The following MCF2L variants were observed in gnomAD, a reference collection of about 807,000 sequenced individuals.
MCF2L encodes MCF.2 cell line derived transforming sequence like, also known as guanine nucleotide exchange factor DBS.
In MCF2L, 97 loss-of-function variants were observed where a neutral mutation model predicts 153.4. The ratio of observed to expected loss-of-function variants is 0.63; its 90% CI spans 0.54 to 0.75. MCF2L has a LOEUF of 0.75. Among genes scored for constraint, MCF2L ranks in the 30% least tolerant of loss-of-function variants. The pLI is 0.00. For missense variants in MCF2L, 1,347 were observed against 1,495.2 expected (o/e 0.90, Z 1.64); for synonymous variants, 659 against 632.2 (o/e 1.04, Z -0.64).
chr13:113,003,380 C>T (rs1363413079), intron 1 of MCF2L, among the ~76,000 whole-genome samples: 2 of 149,572 alleles, frequency 1.3e-5, no homozygotes, highest in African/African-American at 4.9e-5. Context: ...GGCAGGTGAC[C>T]CCCTGGGTTA....
At chr13:112,936,392 A>G (rs942597493) in intron 2 of MCF2L, among the ~76,000 whole-genome samples, 2 of 151,892 alleles carry the variant, frequency 1.3e-5, no homozygotes, top group African/African-American at 4.8e-5. Context: ...CACCCAATCT[A>G]TGGTGCTTTG....
intron 1 of MCF2L, among the ~76,000 whole-genome samples, chr13:112,984,484 C>T (rs1028483506): frequency 6.6e-6 from 1 of 152,206 alleles, no homozygotes; most frequent in East Asian, 1.9e-4. Context: ...GTGATCCGCC[C>T]GCCTCAGCCT....
intron 1 of MCF2L, among the ~76,000 whole-genome samples, chr13:113,004,971 C>T (rs1482023338): frequency 6.6e-6 from 1 of 152,198 alleles, no homozygotes; most frequent in African/African-American, 2.4e-5. Context: ...GAAAAGAGCA[C>T]TGTCGTTGGA....
In MCF2L at chr13:113,082,677, A is replaced by G. The variant is rs923089407; in HGVS notation, c.1991+135A>G. The stretch of plus-strand genomic sequence containing the variant: ...AGGGGCGCCCAAGGGGTGGACTCAC[A>G]GAGGCACAGGCTTGAGTGTGGGTAC... On this transcript the variant is annotated intron_variant, in intron 17 of 29. Coordinates refer to ENST00000535094, the MANE Select transcript of MCF2L (RefSeq NM_001112732.3). 1.7e-5 allele frequency: 11 copies of G among 655,818 alleles called. No individual in the cohort carries two copies. The Admixed American group carries it at 2.0e-4, about 12-fold the overall frequency. 40.6% of individuals were successfully genotyped at this position (655,818 alleles called of 1,614,324 possible).
At chr13:112,975,583 A>G (rs1425029898) in intron 1 of MCF2L, among the ~76,000 whole-genome samples, 1 of 152,198 alleles carries the variant, frequency 6.6e-6, no homozygotes, top group Non-Finnish European at 1.5e-5. Flanking sequence ...ACTTGTGCAC[A>G]TGGTCAGTGC....
intron 4 of MCF2L, among the ~76,000 whole-genome samples, chr13:113,057,880 G>GCA (rs2030475417): frequency 7.1e-6 from 1 of 141,642 alleles, no homozygotes; most frequent in Non-Finnish European, 1.5e-5. Flanking sequence ...GTGTTTGGAT[G>GCA]CTGAGTGTTT....
intron 2 of MCF2L, among the ~76,000 whole-genome samples, chr13:112,916,130 C>T (rs1021165909): frequency 1.3e-5 from 2 of 148,242 alleles, no homozygotes; most frequent in African/African-American, 5.2e-5. Flanking sequence ...ATGGCGTGAA[C>T]CTGGGAGGCG....
At chr13:112,987,455 C>T (rs1421389070) in intron 1 of MCF2L, among the ~76,000 whole-genome samples, 1 of 152,226 alleles carries the variant, frequency 6.6e-6, no homozygotes, top group Non-Finnish European at 1.5e-5. Flanking sequence ...AAAACCAAGT[C>T]GGAGAGGCCC....
intron 2 of MCF2L, chr13:112,917,022 G>A (rs775552657): frequency 6.4e-6 from 3 of 467,156 alleles, no homozygotes; most frequent in South Asian, 3.1e-5. Context: ...CTCCCTCATC[G>A]CCAAGTCTGA....
At chr13:112,914,038 T>C (rs1339023793) in intron 2 of MCF2L, among the ~76,000 whole-genome samples, 1 of 152,198 alleles carries the variant, frequency 6.6e-6, no homozygotes, top group Non-Finnish European at 1.5e-5. Flanking sequence ...CTTCTCCCCC[T>C]GTGAGCCAGC....
chr13:113,086,682 C>G (rs2034666405), intron 21 of MCF2L, among the ~76,000 whole-genome samples: 1 of 152,166 alleles, frequency 6.6e-6, no homozygotes, highest in African/African-American at 2.4e-5. Context: ...AGCCCCACAT[C>G]AGGTCACAGC....
intron 1 of MCF2L, among the ~76,000 whole-genome samples, chr13:113,007,185 G>C (rs2083760683): frequency 6.6e-6 from 1 of 152,192 alleles, no homozygotes; most frequent in Non-Finnish European, 1.5e-5. Flanking sequence ...CAGATCCAGG[G>C]TCCGTGCAGA....
At chr13:112,968,853 G>T (rs754664178), upstream of MCF2L, 1 of 1,073,582 alleles carries the variant, frequency 9.3e-7, no homozygotes, top group Non-Finnish European at 1.2e-6. Flanking sequence ...CACTTGTGCG[G>T]CACCCGCGGG....
rs576247529 is a variant in MCF2L at position 112,983,802 on chromosome 13, G to A, written c.79+14344G>A. On this transcript the variant is annotated intron_variant, in intron 1 of 29. Transcript: ENST00000535094. The surrounding 1 kb of genome is among the most constrained non-coding windows in gnomAD (Gnocchi z 4.0). ...TCCACCCGTCCACCTGTGTGTCTGG[G>A]TCAGGCTGGCTTCTGCATCTCTGTG... Among the ~76,000 whole-genome samples, 1 of 152,280 alleles carries A rather than the reference G, an allele frequency of 6.6e-6. No individual in the cohort carries two copies. Among genetic ancestry groups the A allele is most frequent in the Non-Finnish European group, 1.5e-5 (1 of 68,024 alleles).
intron 1 of MCF2L, among the ~76,000 whole-genome samples, chr13:112,986,842 C>T (rs1052253671): frequency 9.2e-5 from 14 of 152,306 alleles, no homozygotes; most frequent in South Asian, 2.1e-4. Context: ...GTGGCGCGTA[C>T]GCTGCACTCT....
rs143614880 is a variant in MCF2L at position 112,907,987 on chromosome 13, A to G, written c.169+5616A>G. Among the ~76,000 whole-genome samples the G allele has an allele frequency of 7.2e-5, 11 of 152,274 alleles. No homozygotes were observed. The East Asian group carries it at 1.9e-3, about 27-fold the overall frequency. ...GTCAATGATTAACTTCTTGTTTTCA[A>G]CCTTTCCTGATTCCTCAGCATCTTT... On this transcript the variant is annotated intron_variant, in intron 2 of 29. Transcript: ENST00000375608. The surrounding 1 kb of genome is among the most constrained non-coding windows in gnomAD (Gnocchi z 5.1).
Position 112,907,147 on chromosome 13 carries a change from C to A in MCF2L, c.169+4776C>A, listed in dbSNP as rs113705995. Among the ~76,000 whole-genome samples the A allele has an allele frequency of 0.012, 1,884 of 152,160 alleles. 39 individuals carry two copies. Among genetic ancestry groups the A allele is most frequent in the African/African-American group, 0.042 (1,760 of 41,484 alleles). ...GATTACACAGGATTCTGAGGGGGGACCTTGTCTCCACCTGGGGGCACGCGG... is the reference window on the plus strand; with the variant it reads ...GATTACACAGGATTCTGAGGGGGGAACTTGTCTCCACCTGGGGGCACGCGG... On this transcript the variant is annotated intron_variant, in intron 2 of 29. Transcript: ENST00000375608. This position sits in a 1 kb window ranked among gnomAD's most constrained non-coding sequence, Gnocchi z 5.1.
At position 113,047,335 on chromosome 13, in the gene MCF2L, C is replaced by G. The variant is rs542897875; in HGVS notation, c.369+1974C>G. ...AAGTTCTTTAGATAAAAGCCATCAC[C>G]AGCTAACAGCCATGTGTGCCTTTCA... On this transcript the variant is annotated intron_variant, in intron 4 of 29. Coordinates refer to ENST00000535094, the MANE Select transcript of MCF2L (RefSeq NM_001112732.3). 6 of 152,356 alleles carry G rather than the reference C, an allele frequency of 3.9e-5. No individual in the cohort carries two copies. The South Asian group carries it at 1.2e-3, about 32-fold the overall frequency. The allele number at this position is 152,356 out of a possible 1,614,324, so 9.4% of individuals were successfully genotyped here. A position where few individuals can be genotyped will look rare whatever the true frequency, so the allele number is the denominator to read the frequency against.
chr13:112,977,504 G>C (rs2082256865), intron 1 of MCF2L, among the ~76,000 whole-genome samples: 1 of 152,168 alleles, frequency 6.6e-6, no homozygotes, highest in East Asian at 1.9e-4. Flanking sequence ...CGTGAGTGAG[G>C]TTCATATCTC....
Sources: allele counts gnomAD v4.1 joint callset (sites outside exome capture counted in the v4.1 genomes callset), GRCh38; gene constraint gnomAD v4.1.1; non-coding constraint Gnocchi (gnomAD v3.1); transcripts MANE v1.5; gene names NCBI Gene and HGNC (gene_info 2026-07-23, HGNC 2026-07-21).